MCC: variants seen among roughly 807,000 people sequenced by gnomAD.
MCC encodes MCC regulator of Wnt signaling pathway, also known as colorectal mutant cancer protein.
In MCC, 90 loss-of-function variants were observed where a neutral mutation model predicts 116.2. The observed-to-expected ratio is 0.77, with a 90% CI of 0.65 to 0.92. MCC has a LOEUF of 0.92. Ranked by LOEUF, MCC falls within the 40% of genes least tolerant of loss-of-function variation. The probability of loss-of-function intolerance (pLI) is 0.00; values close to 1 mark genes in which losing one functional copy is unlikely to be tolerated. For missense variants in MCC, 1,516 were observed against 1,312.2 expected (o/e 1.16, Z -2.40); for synonymous variants, 578 against 510.5 (o/e 1.13, Z -1.78).
chr5:113,142,473 G>C (rs1256026857), intron 5 of MCC, among the ~76,000 whole-genome samples: 1 of 151,886 alleles, frequency 6.6e-6, no homozygotes, highest in Non-Finnish European at 1.5e-5. Flanking sequence ...TAGAGGCCAA[G>C]TGATTAATAA....
At chr5:113,474,534 C>T (rs1284032491) in intron 1 of MCC, among the ~76,000 whole-genome samples, 1 of 152,140 alleles carries the variant, frequency 6.6e-6, no homozygotes, top group Non-Finnish European at 1.5e-5. Flanking sequence ...AAATTAAATG[C>T]CCCTAGAAGG....
intron 3 of MCC, among the ~76,000 whole-genome samples, chr5:113,180,365 G>A (rs1201153229): frequency 6.6e-6 from 1 of 152,128 alleles, no homozygotes; most frequent in Non-Finnish European, 1.5e-5. Context: ...AATATGGCAT[G>A]ACTCAGATTT....
At chr5:113,133,075 T>A (rs115624563) in intron 5 of MCC, among the ~76,000 whole-genome samples, 3,587 of 152,320 alleles carry the variant, frequency 0.024, 59 homozygotes, top group Non-Finnish European at 0.035. Flanking sequence ...TTCATACATT[T>A]ATAATGTGTA....
At chr5:113,483,501 T>C (rs1176475731) in intron 1 of MCC, among the ~76,000 whole-genome samples, 1 of 152,222 alleles carries the variant, frequency 6.6e-6, no homozygotes, top group Non-Finnish European at 1.5e-5. Flanking sequence ...CCCTTGGTTA[T>C]GGGATTAGAG....
intron 3 of MCC, among the ~76,000 whole-genome samples, chr5:113,312,093 G>A (rs987102815): frequency 4.6e-5 from 7 of 151,806 alleles, no homozygotes; most frequent in Admixed American, 1.3e-4. Flanking sequence ...CTGACAGAGC[G>A]AGACTCCATC....
rs929618238 is a variant in MCC at position 113,247,922 on chromosome 5, T to A, written c.627+92597A>T. Among the ~76,000 whole-genome samples the A allele has an allele frequency of 5.3e-5, 8 of 151,944 alleles. 1 individual carries two copies. The highest frequency in any genetic ancestry group is 4.6e-4 in the Admixed American group (7 of 15,264). On this transcript the variant is annotated intron_variant, in intron 3 of 18. Coordinates refer to ENST00000408903, the MANE Select transcript of MCC (RefSeq NM_001085377.2). ...GCTGAACTAAAGCCCTGGAAAGCCA[T>A]CAGGAAGCACAGTGTTGAGAGTCGC...
chr5:113,467,950 T>C (rs1318262637), intron 1 of MCC, among the ~76,000 whole-genome samples: 1 of 152,134 alleles, frequency 6.6e-6, no homozygotes, highest in East Asian at 1.9e-4. Flanking sequence ...GAAGCAATTG[T>C]GAATGGGAGT....
At chr5:113,294,412 A>C in intron 3 of MCC, 1 of 1,613,594 alleles carries the variant, frequency 6.2e-7, no homozygotes. Context: ...CTGGGCTCTC[A>C]GTCCCCCAGG....
intron 3 of MCC, chr5:113,269,321 A>G: frequency 2.2e-5 from 9 of 418,596 alleles, no homozygotes; most frequent in Non-Finnish European, 2.9e-5. Flanking sequence ...ACCTTTTTCA[A>G]TGATACCTTA....
At chr5:113,482,391 T>C (rs889063081) in intron 1 of MCC, among the ~76,000 whole-genome samples, 48 of 152,172 alleles carry the variant, frequency 3.2e-4, no homozygotes, top group African/African-American at 1.2e-3. Context: ...TATAGAAGGG[T>C]TCTGATTTCT....
At chr5:113,407,300 C>T (rs564560712) in intron 1 of MCC, among the ~76,000 whole-genome samples, 68 of 152,158 alleles carry the variant, frequency 4.5e-4, no homozygotes, top group Non-Finnish European at 8.4e-4. Flanking sequence ...AATGAAAACA[C>T]TTTAAGGAGA....
intron 2 of MCC, 60 bp from the exon 3 acceptor site, chr5:113,340,790 C>T (rs1581412290): frequency 7.1e-7 from 1 of 1,408,696 alleles, no homozygotes; most frequent in Non-Finnish European, 9.8e-7. Flanking sequence ...CTGTGGGTGG[C>T]CAATAGGCAA....
chr5:113,447,129 G>A (rs1390320529), intron 1 of MCC, among the ~76,000 whole-genome samples: 3 of 152,024 alleles, frequency 2.0e-5, no homozygotes, highest in Non-Finnish European at 2.9e-5. Context: ...ATCTCTCTGG[G>A]CACCTTTGTC....
At chr5:113,351,828 G>A (rs2150382226) in intron 2 of MCC, among the ~76,000 whole-genome samples, 1 of 152,134 alleles carries the variant, frequency 6.6e-6, no homozygotes, top group South Asian at 2.1e-4. Flanking sequence ...ATACCTAAAT[G>A]TACCCACAAT....
At chr5:113,242,614 A>C (rs1026229152) in intron 3 of MCC, among the ~76,000 whole-genome samples, 2 of 152,204 alleles carry the variant, frequency 1.3e-5, no homozygotes, top group Admixed American at 1.3e-4. Context: ...TGCCCAAAAA[A>C]CTAATGCCTT....
chr5:113,046,184 G>A (rs1047023517), intron 16 of MCC, among the ~76,000 whole-genome samples: 4 of 151,516 alleles, frequency 2.6e-5, no homozygotes, highest in African/African-American at 7.3e-5. Flanking sequence ...CTTTTCCATA[G>A]GATAAATTTT....
intron 1 of MCC, among the ~76,000 whole-genome samples, chr5:113,468,393 G>C (rs887250752): frequency 6.6e-6 from 1 of 152,172 alleles, no homozygotes; most frequent in African/African-American, 2.4e-5. Context: ...TAGCATGAAA[G>C]GTTGTTGAAC....
intron 1 of MCC, among the ~76,000 whole-genome samples, chr5:113,452,694 C>T (rs186201458): frequency 1.3e-5 from 2 of 152,298 alleles, no homozygotes; most frequent in East Asian, 3.9e-4. Flanking sequence ...TCTATTAATG[C>T]CACACCAGAA....
intron 3 of MCC, among the ~76,000 whole-genome samples, chr5:113,303,975 A>G (rs997101822): frequency 2.6e-5 from 4 of 152,128 alleles, no homozygotes; most frequent in African/African-American, 9.7e-5. Context: ...TTTGGGAAGT[A>G]TGTTGCCCAA....
Sources: gnomAD v4.1 joint callset for allele counts (sites outside exome capture counted in the v4.1 genomes callset) on GRCh38, gnomAD v4.1.1 for gene constraint, MANE v1.5 for transcripts, NCBI Gene and HGNC (gene_info 2026-07-23, HGNC 2026-07-21) for gene names.